ACOXL: variants seen among roughly 807,000 people sequenced by gnomAD.
ACOXL encodes acyl-coenzyme A oxidase-like protein.
Under a neutral mutation model 71.9 loss-of-function variants are expected in ACOXL, and 70 were observed. The observed-to-expected ratio is 0.97, with a 90% confidence interval of 0.80 to 1.19. The LOEUF (loss-of-function observed/expected upper bound fraction) is 1.19. ACOXL is among the 50% of genes most tolerant of loss of function. The pLI, the probability that ACOXL is intolerant of heterozygous loss-of-function variation, is 0.00. For synonymous variants in ACOXL, 253 were observed against 281.6 expected, an observed-to-expected ratio of 0.90 and a Z score of 1.02; for missense variants, 703 against 736.3, an observed-to-expected ratio of 0.95 and a Z score of 0.52.
At chr2:110,970,528 G>A (rs1210591208) in intron 12 of ACOXL, among the ~76,000 whole-genome samples, 4 of 152,214 alleles carry the variant, frequency 2.6e-5, no homozygotes, top group Non-Finnish European at 5.9e-5. Flanking sequence ...CTAACATCAT[G>A]CTTAATCGTG....
At chr2:110,940,778 A>C (rs185196967) in intron 12 of ACOXL, among the ~76,000 whole-genome samples, 22 of 152,340 alleles carry the variant, frequency 1.4e-4, no homozygotes, top group African/African-American at 5.1e-4. Flanking sequence ...GTCTTAAACT[A>C]GCTATTTCTA....
intron 9 of ACOXL, among the ~76,000 whole-genome samples, chr2:110,810,035 T>C (rs189676140): frequency 6.6e-6 from 1 of 152,322 alleles, no homozygotes; most frequent in Admixed American, 6.5e-5. Flanking sequence ...ACTCAGCCTG[T>C]CTGGTTCAGC....
At chr2:111,093,457 AAC>A in intron 17 of ACOXL, 1 of 1,613,966 alleles carries the variant, frequency 6.2e-7, no homozygotes, top group Non-Finnish European at 8.5e-7. Context: ...TCATCAGTAA[AAC>A]ACATTTCTGA....
intron 7 of ACOXL, among the ~76,000 whole-genome samples, chr2:110,801,104 AT>A (rs1310256296): frequency 1.3e-5 from 2 of 152,090 alleles, no homozygotes; most frequent in Non-Finnish European, 2.9e-5. Context: ...TGTCTGCCAG[AT>A]TTCAGGACCA....
chr2:110,952,529 G>A lies in ACOXL; in HGVS notation c.1059+18887G>A, dbSNP rs79618603. ...CAGGCTAGAGTGCAGTAGCGTGATC[G>A]TGGCCCTTGGGCTCAAGAGATCCTC... On this transcript the variant is annotated intron_variant, in intron 12 of 17. Transcript: ENST00000439055. Among the ~76,000 whole-genome samples, 1,439 of 152,160 alleles carry A rather than the reference G, an allele frequency of 9.5e-3. 11 individuals are homozygous for A. Among genetic ancestry groups the A allele is most frequent in the Middle Eastern group, 0.041 (12 of 294 alleles).
At chr2:111,026,878 TTTG>T (rs1476837221) in intron 14 of ACOXL, among the ~76,000 whole-genome samples, 6 of 152,026 alleles carry the variant, frequency 3.9e-5, no homozygotes, top group African/African-American at 7.2e-5. Flanking sequence ...GTCTTTGTGT[TTTG>T]TTGTTGTTGT....
intron 9 of ACOXL, among the ~76,000 whole-genome samples, chr2:110,828,005 C>G (rs139146322): frequency 1.3e-5 from 2 of 152,314 alleles, no homozygotes; most frequent in Non-Finnish European, 2.9e-5. Context: ...GAATCTTGCT[C>G]TGTCGCCCAG....
At chr2:110,967,059 G>A (rs185434917) in intron 12 of ACOXL, among the ~76,000 whole-genome samples, 96 of 152,152 alleles carry the variant, frequency 6.3e-4, no homozygotes, top group Admixed American at 2.1e-3. Context: ...CAATAGATGC[G>A]GATACCAAGA....
chr2:110,914,388 TTATC>T (rs768535071), intron 11 of ACOXL, among the ~76,000 whole-genome samples: 55 of 152,218 alleles, frequency 3.6e-4, no homozygotes, highest in Non-Finnish European at 4.7e-4. Context: ...GGTGTTCAAT[TTATC>T]TAAGTAATGT....
At chr2:110,879,483 C>T (rs1035874042) in intron 10 of ACOXL, among the ~76,000 whole-genome samples, 1 of 152,180 alleles carries the variant, frequency 6.6e-6, no homozygotes, top group Non-Finnish European at 1.5e-5. Context: ...TACCAACAAT[C>T]TCTCCCGGAA....
rs181721215 is a variant in ACOXL at position 110,847,253 on chromosome 2, C to T, written c.788+5848C>T. Among the ~76,000 whole-genome samples, 250 of 152,246 alleles carry T rather than the reference C, an allele frequency of 1.6e-3. 1 individual carries two copies. The highest frequency in any genetic ancestry group is 2.9e-3 in the Non-Finnish European group (199 of 68,026). ...GTTCTTCCTGCCTGACGCAGTGCAGCAGAGTGAAGAAGGCTGCTCCCTCCT... is the reference window on the plus strand; with the variant it reads ...GTTCTTCCTGCCTGACGCAGTGCAGTAGAGTGAAGAAGGCTGCTCCCTCCT... On this transcript the variant is annotated intron_variant, in intron 10 of 17. Coordinates refer to ENST00000439055, the MANE Select transcript of ACOXL (RefSeq NM_001142807.4).
At chr2:111,103,319 T>C (rs2069305694) in intron 17 of ACOXL, among the ~76,000 whole-genome samples, 1 of 148,148 alleles carries the variant, frequency 6.8e-6, no homozygotes, top group African/African-American at 2.4e-5. Flanking sequence ...AATAAATAAA[T>C]AAAATAAAAA....
At chr2:110,920,487 A>G (rs996479307) in intron 11 of ACOXL, among the ~76,000 whole-genome samples, 4 of 152,106 alleles carry the variant, frequency 2.6e-5, no homozygotes, top group Admixed American at 2.6e-4. Flanking sequence ...TTTTTGCATC[A>G]TATTTTTATT....
In ACOXL at chr2:110,966,406, G is replaced by A. The variant is rs150193696; in HGVS notation, c.1060-20702G>A. Among the ~76,000 whole-genome samples, 34 of 152,318 alleles carry A rather than the reference G, an allele frequency of 2.2e-4. 1 individual carries two copies. The East Asian group carries it at 6.4e-3, about 29-fold the overall frequency. On this transcript the variant is annotated intron_variant, in intron 12 of 17. Transcript: ENST00000439055. ...ACCTGATGTCGATTAGACTAACCAG[G>A]AGGTGTGAGCAGGGACTAGTCACTA...
At chr2:111,045,266 A>G (rs905825712) in intron 15 of ACOXL, among the ~76,000 whole-genome samples, 1 of 152,238 alleles carries the variant, frequency 6.6e-6, no homozygotes, top group African/African-American at 2.4e-5. Context: ...AGATACGACA[A>G]CTGCTTTCAT....
At position 110,784,157 on chromosome 2, in the gene ACOXL, C is replaced by G. The variant is rs553990746; in HGVS notation, c.76-575C>G. Reference sequence around the variant, plus strand: ...GTCACTGAAGCTGGGTACCATGGCGCATGCCTGTAGTCCCAGCTTCTTGGG... The same window carrying G: ...GTCACTGAAGCTGGGTACCATGGCGGATGCCTGTAGTCCCAGCTTCTTGGG... On this transcript the variant is annotated intron_variant, in intron 2 of 17. Transcript: ENST00000439055. Among the ~76,000 whole-genome samples the G allele has an allele frequency of 2.4e-4, 36 of 152,260 alleles. 1 individual carries two copies. The highest frequency in any genetic ancestry group is 7.7e-4 in the African/African-American group (32 of 41,560).
chr2:110,840,570 T>C (rs566755551), intron 9 of ACOXL, among the ~76,000 whole-genome samples: 2 of 152,232 alleles, frequency 1.3e-5, no homozygotes, highest in South Asian at 4.1e-4. Flanking sequence ...AACTTGCTGA[T>C]GCAGCTGAAC....
intron 12 of ACOXL, among the ~76,000 whole-genome samples, chr2:110,960,245 C>A (rs2061651240): frequency 6.6e-6 from 1 of 152,136 alleles, no homozygotes; most frequent in South Asian, 2.1e-4. Context: ...TTCAGGGAAA[C>A]CTCACTGAAC....
intron 12 of ACOXL, among the ~76,000 whole-genome samples, chr2:110,938,470 G>T (rs1183621763): frequency 6.6e-5 from 10 of 152,202 alleles, no homozygotes; most frequent in Non-Finnish European, 1.2e-4. Context: ...GGCACATATG[G>T]ACACTTCACG....
Sources: allele counts gnomAD v4.1 joint callset (sites outside exome capture counted in the v4.1 genomes callset), GRCh38; gene constraint gnomAD v4.1.1; transcripts MANE v1.5; gene names NCBI Gene and HGNC (gene_info 2026-07-23, HGNC 2026-07-21).